The following ZNF385B variants were observed in gnomAD, a reference collection of about 807,000 sequenced individuals.
The protein encoded by ZNF385B is zinc finger protein 533.
In ZNF385B, 23 loss-of-function variants were observed where a neutral mutation model predicts 39.2. The ratio of observed to expected loss-of-function variants is 0.59; its 90% CI spans 0.42 to 0.83. The LOEUF (loss-of-function observed/expected upper bound fraction) is 0.83, where lower values mean the gene tolerates loss of function less well. Among genes scored for constraint, ZNF385B ranks in the 40% least tolerant of loss-of-function variants. The pLI is 0.00. For missense variants in ZNF385B, 552 were observed against 598.9 expected, an observed-to-expected ratio of 0.92 and a Z score of 0.82; for synonymous variants, 205 against 222.6, an observed-to-expected ratio of 0.92 and a Z score of 0.70.
At chr2:179,564,763 C>A (rs1684358772) in intron 3 of ZNF385B, among the ~76,000 whole-genome samples, 1 of 152,120 alleles carries the variant, frequency 6.6e-6, no homozygotes, top group African/African-American at 2.4e-5. Flanking sequence ...CCAAGCTCAA[C>A]TTTTGTATTT....
At chr2:179,662,255 A>C (rs763144380) in intron 3 of ZNF385B, among the ~76,000 whole-genome samples, 9 of 152,202 alleles carry the variant, frequency 5.9e-5, no homozygotes, top group Admixed American at 1.3e-4. Context: ...GGCAGAAGAA[A>C]TTGCTAATCC....
At position 179,651,639 on chromosome 2, in the gene ZNF385B, A is replaced by G. The variant is rs1575091356; in HGVS notation, c.299-106670T>C. ...CACTACAAATAAAAATATTTTAAAA[A>G]TAAAACCCCAAATTCCAATAAGACA... On this transcript the variant is annotated intron_variant, in intron 3 of 9. Coordinates refer to ENST00000410066, the MANE Select transcript of ZNF385B (RefSeq NM_152520.6). 2.0e-5 allele frequency among the ~76,000 whole-genome samples: 3 copies of G among 152,198 alleles called. No homozygotes were observed. In the East Asian group the frequency reaches 5.8e-4, roughly 29 times the overall value.
At chr2:179,756,665 GC>G (rs2106479450) in intron 3 of ZNF385B, among the ~76,000 whole-genome samples, 1 of 149,242 alleles carries the variant, frequency 6.7e-6, no homozygotes, top group South Asian at 2.2e-4. Flanking sequence ...TACCTTCGAG[GC>G]TTTGTTTGTT....
At chr2:179,531,791 G>A (rs2059269091) in intron 4 of ZNF385B, among the ~76,000 whole-genome samples, 2 of 152,142 alleles carry the variant, frequency 1.3e-5, no homozygotes, top group Admixed American at 6.5e-5. Context: ...GGCTCACTTT[G>A]TCACACTTAA....
chr2:179,605,519 T>A (rs908830991), intron 3 of ZNF385B, among the ~76,000 whole-genome samples: 2 of 152,162 alleles, frequency 1.3e-5, no homozygotes, highest in African/African-American at 4.8e-5. Flanking sequence ...CTCATTCACA[T>A]TGAGTCATCA....
At chr2:179,451,743 T>C (rs1252606950) in intron 6 of ZNF385B, among the ~76,000 whole-genome samples, 1 of 152,152 alleles carries the variant, frequency 6.6e-6, no homozygotes, top group African/African-American at 2.4e-5. Flanking sequence ...TTTATATATT[T>C]GAATAGTGGC....
chr2:179,722,936 G>A (rs1165311812), intron 3 of ZNF385B, among the ~76,000 whole-genome samples: 1 of 151,962 alleles, frequency 6.6e-6, no homozygotes, highest in Non-Finnish European at 1.5e-5. Context: ...AACACAAATG[G>A]CCAAAAAACA....
intron 3 of ZNF385B, among the ~76,000 whole-genome samples, chr2:179,748,022 T>C (rs997021692): frequency 1.2e-4 from 19 of 152,148 alleles, no homozygotes; most frequent in Admixed American, 2.6e-4. Flanking sequence ...AAGTAAGAGA[T>C]TGTGGACTGT....
At chr2:179,622,724 T>C (rs1373077362) in intron 3 of ZNF385B, among the ~76,000 whole-genome samples, 3 of 152,198 alleles carry the variant, frequency 2.0e-5, no homozygotes, top group Non-Finnish European at 4.4e-5. Flanking sequence ...AACTATCACA[T>C]TGGAGTGTGG....
intron 3 of ZNF385B, among the ~76,000 whole-genome samples, chr2:179,554,255 T>A (rs531701838): frequency 6.7e-6 from 1 of 149,130 alleles, no homozygotes; most frequent in Non-Finnish European, 1.5e-5. Context: ...GCAGGGGTCA[T>A]GTGTTATCAA....
chr2:179,856,131 C>T (rs1684577612), intron 1 of ZNF385B, among the ~76,000 whole-genome samples: 1 of 152,092 alleles, frequency 6.6e-6, no homozygotes, highest in Admixed American at 6.6e-5. Flanking sequence ...GAAGTGATTA[C>T]AGTGTGAATC....
At chr2:179,617,257 A>C (rs1689829410) in intron 3 of ZNF385B, among the ~76,000 whole-genome samples, 1 of 152,202 alleles carries the variant, frequency 6.6e-6, no homozygotes. Context: ...CTGGGTTTGT[A>C]AATCCAAGGC....
At chr2:179,547,465 AAG>A (rs2060305167) in intron 3 of ZNF385B, among the ~76,000 whole-genome samples, 1 of 149,408 alleles carries the variant, frequency 6.7e-6, no homozygotes, top group Admixed American at 6.7e-5. Flanking sequence ...CCATTTATTG[AAG>A]AGACTGTCCT....
At chr2:179,790,504 T>A (rs950274868) in intron 1 of ZNF385B, among the ~76,000 whole-genome samples, 2 of 152,178 alleles carry the variant, frequency 1.3e-5, no homozygotes, top group African/African-American at 4.8e-5. Context: ...CAGAAAGAAA[T>A]AAAAGTACTT....
intron 6 of ZNF385B, among the ~76,000 whole-genome samples, chr2:179,458,878 T>A (rs2050993660): frequency 6.6e-6 from 1 of 152,242 alleles, no homozygotes; most frequent in East Asian, 1.9e-4. Flanking sequence ...TCTTGGAGAT[T>A]TACTCATTTC....
At chr2:179,681,754 G>A (rs919258807) in intron 3 of ZNF385B, among the ~76,000 whole-genome samples, 2 of 152,184 alleles carry the variant, frequency 1.3e-5, no homozygotes, top group African/African-American at 4.8e-5. Context: ...ATCTTTGACT[G>A]TGGGAAATGG....
intron 3 of ZNF385B, among the ~76,000 whole-genome samples, chr2:179,600,443 A>G (rs770698383): frequency 4.6e-5 from 7 of 152,220 alleles, no homozygotes; most frequent in Admixed American, 4.6e-4. Context: ...TTACTTCTGC[A>G]GGCAAGTCAA....
intron 1 of ZNF385B, among the ~76,000 whole-genome samples, chr2:179,830,643 ATAT>A (rs957922818): frequency 6.6e-6 from 1 of 152,236 alleles, no homozygotes; most frequent in Non-Finnish European, 1.5e-5. Flanking sequence ...GATTCAAACT[ATAT>A]TACATTCTGG....
chr2:179,702,515 A>C (rs148997794), intron 3 of ZNF385B, among the ~76,000 whole-genome samples: 1 of 152,314 alleles, frequency 6.6e-6, no homozygotes, highest in Non-Finnish European at 1.5e-5. Context: ...CAGTTACAAA[A>C]TTCAGGAAAA....
Sources: gnomAD v4.1 joint callset for allele counts (sites outside exome capture counted in the v4.1 genomes callset) on GRCh38, gnomAD v4.1.1 for gene constraint, MANE v1.5 for transcripts, NCBI Gene and HGNC (gene_info 2026-07-23, HGNC 2026-07-21) for gene names.